SEMA6D: variants seen among roughly 807,000 people sequenced by gnomAD.
SEMA6D encodes the protein semaphorin 6D, also known as semaphorin-6D.
A neutral mutation model predicts 106.6 loss-of-function variants in SEMA6D; 35 were observed. The ratio of observed to expected loss-of-function variants is 0.33; its 90% confidence interval spans 0.25 to 0.44. The LOEUF (loss-of-function observed/expected upper bound fraction) is 0.44. Among genes scored for constraint, SEMA6D ranks in the 20% least tolerant of loss-of-function variants. The pLI is 1.00. For synonymous variants in SEMA6D, 499 were observed against 487.7 expected (o/e 1.02, Z -0.31); for missense variants, 1,185 against 1,345.9 (o/e 0.88, Z 1.87).
intron 1 of SEMA6D, among the ~76,000 whole-genome samples, chr15:47,186,044 T>C (rs1893545821): frequency 6.6e-6 from 1 of 152,128 alleles, no homozygotes; most frequent in Non-Finnish European, 1.5e-5. Context: ...TTTGTGTATA[T>C]ATATGTGTAT....
At chr15:47,678,690 T>A (rs2078291730) in intron 4 of SEMA6D, among the ~76,000 whole-genome samples, 1 of 152,074 alleles carries the variant, frequency 6.6e-6, no homozygotes, top group African/African-American at 2.4e-5. Context: ...CCTTTAGCCA[T>A]AATATTTGTT....
intron 1 of SEMA6D, among the ~76,000 whole-genome samples, chr15:47,227,569 T>TCTCACACACACA (rs142672147): frequency 7.8e-6 from 1 of 127,900 alleles, no homozygotes; most frequent in Non-Finnish European, 1.6e-5. Flanking sequence ...TCTCTCTCTC[T>TCTCACACACACA]CACACACACA....
At position 47,656,635 on chromosome 15, in the gene SEMA6D, T is replaced by C. The variant is rs192198444; in HGVS notation, c.-55+55739T>C. ...AATTGAGCCTCTGGAATGGCTAGGC[T>C]TCTAGGAAGCCTTCAAACTTGTTTG... On this transcript the variant is annotated intron_variant, in intron 4 of 19. Coordinates refer to the SEMA6D transcript ENST00000558014. 2.8e-4 allele frequency among the ~76,000 whole-genome samples: 43 copies of C among 152,334 alleles called. No homozygotes were observed. In the East Asian group the frequency reaches 7.9e-3, roughly 28 times the overall value.
intron 1 of SEMA6D, among the ~76,000 whole-genome samples, chr15:47,228,163 C>CACACACACATAT (rs374770930): frequency 0.037 from 5,077 of 136,600 alleles, 179 homozygotes; most frequent in African/African-American, 0.074. Context: ...CACACACACA[C>CACACACACATAT]ATATATATAT....
At chr15:47,348,490 C>T (rs1349247425) in intron 1 of SEMA6D, among the ~76,000 whole-genome samples, 1 of 151,940 alleles carries the variant, frequency 6.6e-6, no homozygotes, top group Non-Finnish European at 1.5e-5. Context: ...ATTTTAAATC[C>T]AGAATACTCC....
At chr15:47,451,737 C>T (rs888776690) in intron 2 of SEMA6D, among the ~76,000 whole-genome samples, 2 of 151,898 alleles carry the variant, frequency 1.3e-5, no homozygotes, top group African/African-American at 4.8e-5. Context: ...CCTCTTTGCA[C>T]TTTCTCAATT....
At chr15:47,284,036 A>T (rs550486892) in intron 1 of SEMA6D, among the ~76,000 whole-genome samples, 1 of 152,160 alleles carries the variant, frequency 6.6e-6, no homozygotes, top group Admixed American at 6.5e-5. Context: ...GGTTCACTTG[A>T]AGAGCCGAGA....
chr15:47,608,430 G>A (rs974516859), intron 4 of SEMA6D, among the ~76,000 whole-genome samples: 6 of 152,122 alleles, frequency 3.9e-5, no homozygotes, highest in African/African-American at 1.4e-4. Context: ...ACCTGTTTTG[G>A]TGAGGAGAAA....
intron 1 of SEMA6D, among the ~76,000 whole-genome samples, chr15:47,284,947 T>A (rs2035293571): frequency 6.6e-6 from 1 of 152,204 alleles, no homozygotes; most frequent in African/African-American, 2.4e-5. Context: ...GCATGAATAA[T>A]AGAATGGCCC....
At chr15:47,218,598 CCTT>C (rs2030887989) in intron 1 of SEMA6D, among the ~76,000 whole-genome samples, 1 of 152,158 alleles carries the variant, frequency 6.6e-6, no homozygotes, top group African/African-American at 2.4e-5. Context: ...CTTTTCACTG[CCTT>C]CAAAGGGTGT....
chr15:47,676,191 T>A (rs965473134), intron 4 of SEMA6D, among the ~76,000 whole-genome samples: 9 of 152,204 alleles, frequency 5.9e-5, no homozygotes, highest in African/African-American at 2.2e-4. Flanking sequence ...TCTTCCAGGA[T>A]CTGTGTAACC....
chr15:47,282,528 T>A lies in SEMA6D; in HGVS notation c.-239+98110T>A, dbSNP rs1390287402. On this transcript the variant is annotated intron_variant, in intron 1 of 19. Coordinates refer to the SEMA6D transcript ENST00000558014. The stretch of plus-strand genomic sequence containing the variant: ...AGTACTGTTGCTACAAACACTCTTA[T>A]AAGTGTATTTTGGTAAATGAGTGGA... Among the ~76,000 whole-genome samples the A allele has an allele frequency of 3.9e-5, 6 of 152,306 alleles. No homozygotes were observed. The East Asian group carries it at 1.2e-3, about 29-fold the overall frequency.
intron 3 of SEMA6D, among the ~76,000 whole-genome samples, chr15:47,562,716 A>G (rs2046116238): frequency 6.6e-6 from 1 of 152,124 alleles, no homozygotes; most frequent in Admixed American, 6.5e-5. Flanking sequence ...TAGAAACTTC[A>G]TACCTTGCTG....
chr15:47,526,740 A>T (rs553461633), intron 3 of SEMA6D, among the ~76,000 whole-genome samples: 233 of 147,744 alleles, frequency 1.6e-3, no homozygotes, highest in South Asian at 0.011. Context: ...AATTATTATT[A>T]TTTTTTTTTT....
chr15:47,306,951 C>T (rs1037942719), intron 1 of SEMA6D, among the ~76,000 whole-genome samples: 3 of 152,162 alleles, frequency 2.0e-5, no homozygotes, highest in Non-Finnish European at 4.4e-5. Context: ...TGCCACTTTG[C>T]TAGTGGCAGT....
At chr15:47,494,865 G>A (rs563656401) in intron 3 of SEMA6D, among the ~76,000 whole-genome samples, 11 of 144,704 alleles carry the variant, frequency 7.6e-5, no homozygotes, top group African/African-American at 2.8e-4. Flanking sequence ...ATGATTGCAA[G>A]CCATTGTTTT....
chr15:47,718,429 C>G (rs2079218220), intron 1 of SEMA6D: 3 of 152,314 alleles, frequency 2.0e-5, no homozygotes, highest in African/African-American at 4.8e-5. Flanking sequence ...TAGTGCCTGC[C>G]GGCGAGGGGC....
intron 2 of SEMA6D, among the ~76,000 whole-genome samples, chr15:47,445,020 G>T (rs1392798375): frequency 1.3e-5 from 2 of 152,032 alleles, no homozygotes; most frequent in Non-Finnish European, 2.9e-5. Flanking sequence ...GTGGGAAGAT[G>T]ATTTTCCCCT....
intron 3 of SEMA6D, chr15:47,525,266 G>C (rs931058565): frequency 2.0e-5 from 3 of 152,194 alleles, no homozygotes; most frequent in African/African-American, 7.2e-5. Flanking sequence ...GTCTGAAGAT[G>C]GCCTAAAATC....
Sources: gnomAD v4.1 joint callset for allele counts (sites outside exome capture counted in the v4.1 genomes callset) on GRCh38, gnomAD v4.1.1 for gene constraint, MANE v1.5 for transcripts, NCBI Gene and HGNC (gene_info 2026-07-23, HGNC 2026-07-21) for gene names.